The following HERC3 variants were observed in gnomAD, a reference collection of about 807,000 sequenced individuals.
HERC3 encodes probable E3 ubiquitin-protein ligase HERC3.
In HERC3, 58 loss-of-function variants were observed where a neutral mutation model predicts 129.9. The observed-to-expected ratio is 0.45, with a 90% CI of 0.36 to 0.56. HERC3 has a LOEUF of 0.56. Among genes scored for constraint, HERC3 ranks in the 20% least tolerant of loss-of-function variants. HERC3 has a pLI of 0.00. For synonymous variants in HERC3, 430 were observed against 451.0 expected, an observed-to-expected ratio of 0.95 and a Z score of 0.59; for missense variants, 835 against 1,244.2, an observed-to-expected ratio of 0.67 and a Z score of 4.95.
chr4:88,604,684 G>A (rs760558048), intron 2 of HERC3, among the ~76,000 whole-genome samples: 4 of 152,108 alleles, frequency 2.6e-5, no homozygotes, highest in Non-Finnish European at 4.4e-5. Flanking sequence ...GGACATTTTG[G>A]TTATTTCCTT....
At chr4:88,662,583 T>G (rs749428866) in intron 11 of HERC3, 28 bp downstream of exon 11, 1 of 1,590,734 alleles carries the variant, frequency 6.3e-7, no homozygotes, top group South Asian at 1.2e-5. Flanking sequence ...TTCATTTTTT[T>G]TTCCACAAAG....
intron 2 of HERC3, among the ~76,000 whole-genome samples, chr4:88,600,591 T>A (rs1387678477): frequency 6.6e-6 from 1 of 152,274 alleles, no homozygotes; most frequent in Admixed American, 6.5e-5. Flanking sequence ...GATTTTTATT[T>A]TTTATGGGTT....
Position 88,667,927 on chromosome 4 carries a change from G to C in HERC3, c.1479G>C (p.Gln493His). ...LNSFESCLIPQLSSSPPDVEA... is the reference protein window; with the variant it reads ...LNSFESCLIPHLSSSPPDVEA... The stretch of plus-strand genomic sequence containing the variant: ...GTTTTGAAAGTTGTCTGATTCCCCA[G>C]TTGTCAAGCTCACCACCAGATGTTG... The change falls in exon 14 of 26, where the codon CAG becomes CAC. Residue 493 changes from glutamine to histidine, a missense_variant. Physicochemically the swap from Gln to His is conservative, Grantham distance 24 (BLOSUM62 0). Coordinates refer to ENST00000402738, the MANE Select transcript of HERC3 (RefSeq NM_014606.3). 2 of 1,613,312 alleles carry C rather than the reference G, an allele frequency of 1.2e-6. No individual in the cohort carries two copies. Among genetic ancestry groups the C allele is most frequent in the East Asian group, 2.2e-5 (1 of 44,866 alleles).
At chr4:88,579,310 G>A in the HERC3 span, among the ~76,000 whole-genome samples, 6 of 151,898 alleles carry the variant, frequency 4.0e-5, no homozygotes, top group African/African-American at 1.5e-4. Context: ...AGGAGGCTGA[G>A]GCAGAAGAAT....
At chr4:88,598,997 A>C (rs1722699548) in intron 2 of HERC3, among the ~76,000 whole-genome samples, 1 of 152,230 alleles carries the variant, frequency 6.6e-6, no homozygotes, top group Non-Finnish European at 1.5e-5. Context: ...GAATTTCATA[A>C]TTGTGTATTT....
At chr4:88,536,493 AT>A in the HERC3 span, among the ~76,000 whole-genome samples, 4 of 152,262 alleles carry the variant, frequency 2.6e-5, no homozygotes, top group South Asian at 8.3e-4. Flanking sequence ...TATAACATTT[AT>A]TACTTCTTTA....
chr4:88,606,588 T>C (rs1723662952), intron 3 of HERC3, among the ~76,000 whole-genome samples: 1 of 152,158 alleles, frequency 6.6e-6, no homozygotes, highest in Non-Finnish European at 1.5e-5. Context: ...AAGAGGTTTA[T>C]TGGGTTTACA....
At chr4:88,573,224 T>C in the HERC3 span, among the ~76,000 whole-genome samples, 1 of 152,214 alleles carries the variant, frequency 6.6e-6, no homozygotes, top group African/African-American at 2.4e-5. Context: ...TCCATAGCCA[T>C]TTGGAGAAGA....
intron 3 of HERC3, among the ~76,000 whole-genome samples, chr4:88,630,916 A>G (rs2149239614): frequency 6.6e-6 from 1 of 152,292 alleles, no homozygotes; most frequent in Admixed American, 6.5e-5. Flanking sequence ...TATTCTGACT[A>G]GTGGAATGCT....
At chr4:88,538,613 C>A in the HERC3 span, among the ~76,000 whole-genome samples, 67,836 of 150,104 alleles carry the variant, frequency 0.45, 19,041 homozygotes, top group African/African-American at 0.79. Context: ...GTGCGATCTC[C>A]GCTCACTGCA....
chr4:88,560,963 T>C, the HERC3 span, among the ~76,000 whole-genome samples: 1 of 152,226 alleles, frequency 6.6e-6, no homozygotes. Flanking sequence ...TCTATGCCAG[T>C]ATATACTGTT....
chr4:88,640,161 C>A (rs1727918501), intron 3 of HERC3, among the ~76,000 whole-genome samples: 1 of 152,120 alleles, frequency 6.6e-6, no homozygotes, highest in Non-Finnish European at 1.5e-5. Flanking sequence ...TTGTGGAAGA[C>A]ATTATGGTGA....
chr4:88,545,005 C>A, the HERC3 span, among the ~76,000 whole-genome samples: 2 of 152,066 alleles, frequency 1.3e-5, no homozygotes, highest in African/African-American at 4.8e-5. Flanking sequence ...ACCTATGTAA[C>A]AAACCTGCAT....
intron 16 of HERC3, 62 bp downstream of exon 16, chr4:88,670,314 C>A: frequency 9.1e-7 from 1 of 1,101,222 alleles, no homozygotes; most frequent in South Asian, 1.3e-5. Flanking sequence ...CACATGTGAG[C>A]TGTATAATAT....
At chr4:88,673,622 G>A (rs1022653272) in intron 16 of HERC3, among the ~76,000 whole-genome samples, 1 of 152,026 alleles carries the variant, frequency 6.6e-6, no homozygotes, top group Admixed American at 6.6e-5. Context: ...TTATCAGTTC[G>A]TATGCATCCT....
Position 88,639,587 on chromosome 4 carries a change from C to T in HERC3, c.227-10253C>T, listed in dbSNP as rs542743568. On this transcript the variant is annotated intron_variant, in intron 3 of 25. Coordinates refer to ENST00000402738, the MANE Select transcript of HERC3 (RefSeq NM_014606.3). ...CCTACACCTTATACAAAAATTAACT[C>T]AAGATGAATTAAAGACTTAAATGTA... Among the ~76,000 whole-genome samples, 3 of 152,272 alleles carry T rather than the reference C, an allele frequency of 2.0e-5. No homozygotes were observed. In the South Asian group the frequency reaches 6.2e-4, roughly 32 times the overall value.
chr4:88,592,892 G>C (rs1156292623), intron 1 of HERC3, among the ~76,000 whole-genome samples: 2 of 151,880 alleles, frequency 1.3e-5, no homozygotes, highest in South Asian at 4.1e-4. Flanking sequence ...CCTCCCGCCC[G>C]CGCTCGGCCG....
In HERC3 at chr4:88,656,059, T is replaced by G. The variant is rs762814875; in HGVS notation, c.1069+24T>G. 6.2e-7 allele frequency: 1 copy of G among 1,610,510 alleles called. No individual in the cohort carries two copies. Among genetic ancestry groups the G allele is most frequent in the East Asian group, 2.2e-5 (1 of 44,786 alleles). ...TGGTAAGAATGATTGTCTCTGGAAT[T>G]TAAAGGTATTTTAAGTGATGAAAAC... On this transcript the variant is annotated intron_variant, in intron 9 of 25. Transcript: ENST00000402738.
chr4:88,639,835 C>G (rs1194458156), intron 3 of HERC3, among the ~76,000 whole-genome samples: 1 of 152,122 alleles, frequency 6.6e-6, no homozygotes, highest in Non-Finnish European at 1.5e-5. Flanking sequence ...CTCTACCCAT[C>G]TGACAAAGGT....
Sources: allele counts gnomAD v4.1 joint callset (sites outside exome capture counted in the v4.1 genomes callset), GRCh38; gene constraint gnomAD v4.1.1; transcripts MANE v1.5; gene names NCBI Gene and HGNC (gene_info 2026-07-23, HGNC 2026-07-21).